CD47: variants seen among roughly 807,000 people sequenced by gnomAD.
The protein encoded by CD47 is CD47 molecule.
CD47 carries 11 observed loss-of-function variants against 44.6 expected under a neutral mutation model. The ratio of observed to expected loss-of-function variants is 0.25; its 90% CI spans 0.16 to 0.41. CD47 has a LOEUF of 0.41. Among genes scored for constraint, CD47 ranks in the 10% least tolerant of loss-of-function variants. CD47 has a pLI of 1.00. For synonymous variants in CD47, 140 were observed against 136.3 expected (o/e 1.03, Z -0.19); for missense variants, 306 against 386.7 (o/e 0.79, Z 1.75).
At chr3:108,059,363 T>TA (rs1232647829) in intron 5 of CD47, 89 bp downstream of exon 5, 3 of 591,694 alleles carry the variant, frequency 5.1e-6, no homozygotes, top group African/African-American at 2.0e-5. Context: ...TATTGAGTTG[T>TA]AAAAAATTTA....
chr3:108,076,421 G>A (rs1047417859), intron 2 of CD47, among the ~76,000 whole-genome samples: 28 of 152,104 alleles, frequency 1.8e-4, no homozygotes, highest in African/African-American at 6.8e-4. Flanking sequence ...AAATATTAAT[G>A]ATAAATTTTA....
At position 108,044,448 on chromosome 3, in the gene CD47, CAA is replaced by C. The variant is rs869104856; in HGVS notation, c.*2838_*2839del. ...AAAAAAAAAAAAAAAAAAAAAAAAA[CAA>C]AAAAAAAAAACAGAAAGAAAGAAAA... On this transcript the variant is annotated 3_prime_UTR_variant, in exon 11 of 11. Transcript: ENST00000361309. 1.7e-5 allele frequency: 1 copy of C among 60,206 alleles called. No individual in the cohort carries two copies. The highest frequency in any genetic ancestry group is 3.6e-5 in the Non-Finnish European group (1 of 28,126). The allele number at this position is 60,206 out of a possible 1,614,324, so 3.7% of individuals were successfully genotyped here.
intron 3 of CD47, among the ~76,000 whole-genome samples, chr3:108,065,536 T>C (rs553743410): frequency 1.3e-5 from 2 of 152,180 alleles, no homozygotes; most frequent in South Asian, 2.1e-4. Flanking sequence ...TAAGGGGCCA[T>C]GCATGGTGGC....
chr3:108,061,442 G>GA (rs1043910103), intron 3 of CD47, among the ~76,000 whole-genome samples: 5 of 151,638 alleles, frequency 3.3e-5, no homozygotes, highest in Non-Finnish European at 5.9e-5. Context: ...ATTTTGTTTT[G>GA]AAAAAAATGA....
intron 2 of CD47, among the ~76,000 whole-genome samples, chr3:108,072,553 G>A (rs758411688): frequency 3.9e-5 from 6 of 152,158 alleles, no homozygotes; most frequent in Non-Finnish European, 7.4e-5. Context: ...ACAGTTTTGC[G>A]AGTGAATGGA....
rs3804642 is a variant in CD47, at chr3:108,090,486, G to T, written c.46+377C>A. Reference sequence around the variant, plus strand: ...AAGCACTGAGAAGGGAGAGGGGTGCGAAAGAAGGGGATCCCTAGCAGCTGC... The same window carrying T: ...AAGCACTGAGAAGGGAGAGGGGTGCTAAAGAAGGGGATCCCTAGCAGCTGC... On this transcript the variant is annotated intron_variant, in intron 1 of 10. Coordinates refer to ENST00000361309, the MANE Select transcript of CD47 (RefSeq NM_001777.4). Among the ~76,000 whole-genome samples, 371 of 152,244 alleles carry T rather than the reference G, an allele frequency of 2.4e-3. 11 individuals are homozygous for T. The East Asian group carries it at 0.051, about 21-fold the overall frequency.
intron 7 of CD47, 31 bp downstream of exon 7, chr3:108,057,446 G>A (rs372569210): frequency 1.0e-6 from 1 of 978,788 alleles, no homozygotes; most frequent in South Asian, 1.3e-5. Flanking sequence ...GAAATTATTG[G>A]CATAGGTTAA....
intron 2 of CD47, among the ~76,000 whole-genome samples, chr3:108,078,566 T>C (rs1405038783): frequency 1.3e-5 from 2 of 151,498 alleles, no homozygotes; most frequent in Non-Finnish European, 3.0e-5. Flanking sequence ...TACCAGTTAG[T>C]TGCAGTGGAT....
rs557003678 is a variant in CD47, at chr3:108,084,694, C to A, written c.47-4350G>T. 4.6e-5 allele frequency among the ~76,000 whole-genome samples: 7 copies of A among 152,182 alleles called. No homozygotes were observed. The South Asian group carries it at 1.5e-3, about 32-fold the overall frequency. On this transcript the variant is annotated intron_variant, in intron 1 of 10. Coordinates refer to ENST00000361309, the MANE Select transcript of CD47 (RefSeq NM_001777.4). ...CCCACTTCTTACCCTCAGCCTAAAT[C>A]ACTTTGCTAAAGTATTTTCTATCAT...
rs1385544448 is a variant in CD47 at position 108,043,908 on chromosome 3, T to C, written c.*3380A>G. On this transcript the variant is annotated 3_prime_UTR_variant, in exon 11 of 11. Transcript: ENST00000361309. ...TTCAAAGTTACCTGGATTATCCCTA[T>C]TAGTCACTGAAAATGACCTAACAAA... 1 of 152,654 alleles carries C rather than the reference T, an allele frequency of 6.6e-6. No homozygotes were observed. Among genetic ancestry groups the C allele is most frequent in the Admixed American group, 6.5e-5 (1 of 15,284 alleles). 9.5% of individuals were successfully genotyped at this position (152,654 alleles called of 1,614,324 possible).
chr3:108,090,705 G>A (rs1047681126), intron 1 of CD47, among the ~76,000 whole-genome samples, 158 bp downstream of exon 1: 1 of 152,132 alleles, frequency 6.6e-6, no homozygotes, highest in Non-Finnish European at 1.5e-5. Context: ...ATTCCCCGTG[G>A]GGCCCTCCCA....
At chr3:108,048,736 T>C (rs977586415) in intron 10 of CD47, among the ~76,000 whole-genome samples, 1 of 152,202 alleles carries the variant, frequency 6.6e-6, no homozygotes, top group Non-Finnish European at 1.5e-5. Flanking sequence ...GGGGGGAATA[T>C]AGCTTCCTGA....
intron 1 of CD47, among the ~76,000 whole-genome samples, chr3:108,085,148 G>T (rs1171799235): frequency 6.6e-6 from 1 of 151,972 alleles, no homozygotes; most frequent in African/African-American, 2.4e-5. Flanking sequence ...TGACGTTATT[G>T]CAATTCCATG....
At chr3:108,055,611 T>G (rs1428500663) in intron 7 of CD47, 1 of 1,114,304 alleles carries the variant, frequency 9.0e-7, no homozygotes, top group South Asian at 1.3e-5. Flanking sequence ...TAGGATACTA[T>G]CAATAAAATT....
chr3:108,055,512 T>G (rs1436837240), intron 7 of CD47: 1 of 1,297,482 alleles, frequency 7.7e-7, no homozygotes, highest in Non-Finnish European at 1.0e-6. Flanking sequence ...AGAGCAACTT[T>G]CCTGTACCTT....
intron 1 of CD47, among the ~76,000 whole-genome samples, chr3:108,083,637 T>C (rs1373353410): frequency 6.6e-6 from 1 of 152,068 alleles, no homozygotes; most frequent in African/African-American, 2.4e-5. Context: ...AGAAAATTCA[T>C]GTTGCTAATA....
intron 9 of CD47, 66 bp downstream of exon 9, chr3:108,050,512 T>C: frequency 1.3e-6 from 1 of 751,276 alleles, no homozygotes; most frequent in African/African-American, 1.8e-5. Context: ...CAGGGCATTC[T>C]AACTGTTTTG....
At chr3:108,077,729 A>G (rs2079335771) in intron 2 of CD47, among the ~76,000 whole-genome samples, 1 of 152,140 alleles carries the variant, frequency 6.6e-6, no homozygotes, top group African/African-American at 2.4e-5. Context: ...AAAGTAAGGA[A>G]AAAAGAACTA....
At chr3:108,069,820 A>G (rs1444207045) in intron 3 of CD47, among the ~76,000 whole-genome samples, 4 of 152,180 alleles carry the variant, frequency 2.6e-5, no homozygotes, top group African/African-American at 7.2e-5. Flanking sequence ...CTCTGCCAAT[A>G]TGGTTAAAAG....
Sources: allele counts gnomAD v4.1 joint callset (sites outside exome capture counted in the v4.1 genomes callset), GRCh38; gene constraint gnomAD v4.1.1; transcripts MANE v1.5; gene names NCBI Gene and HGNC (gene_info 2026-07-23, HGNC 2026-07-21).